CLASP1: variants seen among roughly 807,000 people sequenced by gnomAD.
CLASP1 encodes the protein cytoplasmic linker associated protein 1.
CLASP1 carries 38 observed loss-of-function variants against 192.3 expected under a neutral mutation model. The ratio of observed to expected loss-of-function variants is 0.20; its 90% confidence interval spans 0.15 to 0.26. CLASP1 has a LOEUF of 0.26. Ranked by LOEUF, CLASP1 falls within the 10% of genes least tolerant of loss-of-function variation. CLASP1 has a pLI of 1.00. For synonymous variants in CLASP1, 691 were observed against 712.8 expected (o/e 0.97, Z 0.49); for missense variants, 1,433 against 1,932.5 (o/e 0.74, Z 4.85).
chr2:121,617,447 T>C (rs187051230), intron 1 of CLASP1, among the ~76,000 whole-genome samples: 30 of 152,244 alleles, frequency 2.0e-4, no homozygotes, highest in Admixed American at 9.2e-4. Context: ...CTTTAAGCCG[T>C]TGTCTACACC....
At chr2:121,529,306 C>G (rs1451641499) in intron 3 of CLASP1, among the ~76,000 whole-genome samples, 1 of 152,166 alleles carries the variant, frequency 6.6e-6, no homozygotes, top group Non-Finnish European at 1.5e-5. Context: ...TCCAAGTGCA[C>G]CTGTAGACCA....
intron 38 of CLASP1, 32 bp from the exon 40 acceptor site, chr2:121,347,186 AC>A: frequency 7.1e-7 from 1 of 1,416,038 alleles, no homozygotes; most frequent in Non-Finnish European, 9.8e-7. Context: ...CGAAAAGGAA[AC>A]CAGATCAAAG....
At chr2:121,437,080 A>T (rs1431919751) in intron 19 of CLASP1, among the ~76,000 whole-genome samples, 1 of 151,992 alleles carries the variant, frequency 6.6e-6, no homozygotes, top group Non-Finnish European at 1.5e-5. Flanking sequence ...CCCCTGCCCC[A>T]GCCTCACAAG....
Position 121,523,399 on chromosome 2 carries a change from G to A in CLASP1, c.546+2446C>T, listed in dbSNP as rs554368327. On this transcript the variant is annotated intron_variant, in intron 6 of 39. Transcript: ENST00000263710. ...CTTACAAGTTAACCCTAGATCTAAA[G>A]GAGAAAAATAGTATCAGAGAGTAGC... Among the ~76,000 whole-genome samples the A allele has an allele frequency of 1.2e-4, 18 of 152,274 alleles. No homozygotes were observed. In the South Asian group the frequency reaches 3.7e-3, roughly 32 times the overall value.
chr2:121,631,918 G>A (rs2069742268), intron 1 of CLASP1, among the ~76,000 whole-genome samples: 1 of 151,954 alleles, frequency 6.6e-6, no homozygotes. Flanking sequence ...GTGGTGGCGT[G>A]CCCATGTAAT....
exon 12 of CLASP1, chr2:121,460,043 G>C: frequency 6.2e-7 from 1 of 1,613,570 alleles, no homozygotes; most frequent in Non-Finnish European, 8.5e-7. Flanking sequence ...GAGTTTAAAG[G>C]CTCCATCCAA....
chr2:121,371,630 C>T (rs912433649), intron 34 of CLASP1, among the ~76,000 whole-genome samples: 2 of 152,136 alleles, frequency 1.3e-5, no homozygotes, highest in Non-Finnish European at 2.9e-5. Flanking sequence ...CAACAAGTCC[C>T]CCGCTTCAAA....
exon 4 of CLASP1, chr2:121,528,725 C>T (rs1296741938): frequency 6.2e-7 from 1 of 1,614,028 alleles, no homozygotes; most frequent in South Asian, 1.1e-5. Context: ...GAGTTTGGTC[C>T]TGCTCCCTCA....
At chr2:121,368,931 C>T (rs1328318443) in intron 34 of CLASP1, among the ~76,000 whole-genome samples, 2 of 152,112 alleles carry the variant, frequency 1.3e-5, no homozygotes, top group Non-Finnish European at 2.9e-5. Flanking sequence ...TATGTATACC[C>T]AAAACTTTCT....
At chr2:121,585,665 C>T (rs935794879) in intron 2 of CLASP1, among the ~76,000 whole-genome samples, 3 of 152,040 alleles carry the variant, frequency 2.0e-5, no homozygotes, top group South Asian at 2.1e-4. Context: ...TTTGGGAGGC[C>T]GAAGCGGGCA....
intron 8 of CLASP1, among the ~76,000 whole-genome samples, chr2:121,481,748 G>A (rs116377511): frequency 0.017 from 2,593 of 152,252 alleles, 39 homozygotes; most frequent in Middle Eastern, 0.031. Flanking sequence ...AAGGCTACTG[G>A]AGAGGATACC....
At chr2:121,489,330 C>A (rs1439664223) in intron 8 of CLASP1, among the ~76,000 whole-genome samples, 2 of 152,060 alleles carry the variant, frequency 1.3e-5, no homozygotes, top group Admixed American at 1.3e-4. Flanking sequence ...TACTTTCAGC[C>A]CAACTTAACC....
intron 8 of CLASP1, among the ~76,000 whole-genome samples, chr2:121,495,096 G>A (rs2093473368): frequency 6.6e-6 from 1 of 152,062 alleles, no homozygotes; most frequent in African/African-American, 2.4e-5. Context: ...GCCGAGGCGG[G>A]CGGATCACAA....
chr2:121,425,193 T>C, exon 22 of CLASP1: 5 of 1,613,310 alleles, frequency 3.1e-6, no homozygotes, highest in Non-Finnish European at 4.2e-6. Flanking sequence ...CTCCTGGGAA[T>C]CTTGCTTCGC....
chr2:121,458,048 G>T (rs1042104884), intron 13 of CLASP1, among the ~76,000 whole-genome samples: 5 of 152,062 alleles, frequency 3.3e-5, no homozygotes, highest in Non-Finnish European at 5.9e-5. Flanking sequence ...AAAAGGAGTG[G>T]GTTTGAAAGG....
At chr2:121,352,028 T>G (rs2064535175) in intron 37 of CLASP1, among the ~76,000 whole-genome samples, 1 of 152,092 alleles carries the variant, frequency 6.6e-6, no homozygotes, top group Non-Finnish European at 1.5e-5. Flanking sequence ...CATGCTCTGG[T>G]GGTTGAGGGC....
At chr2:121,487,525 G>C (rs1306868295) in intron 8 of CLASP1, among the ~76,000 whole-genome samples, 1 of 151,964 alleles carries the variant, frequency 6.6e-6, no homozygotes, top group African/African-American at 2.4e-5. Flanking sequence ...TAGTTATCCT[G>C]CCTCCCTAGG....
intron 1 of CLASP1, among the ~76,000 whole-genome samples, chr2:121,627,048 T>G (rs946664534): frequency 7.2e-6 from 1 of 138,862 alleles, no homozygotes; most frequent in African/African-American, 3.2e-5. Flanking sequence ...CAGCAACATT[T>G]AGTTCAGAGA....
chr2:121,530,948 T>G (rs545636183), intron 2 of CLASP1: 6 of 700,432 alleles, frequency 8.6e-6, no homozygotes, highest in East Asian at 2.7e-5. Flanking sequence ...TGCTAACGCC[T>G]GAACAACACA....
Sources: allele counts gnomAD v4.1 joint callset (sites outside exome capture counted in the v4.1 genomes callset), GRCh38; gene constraint gnomAD v4.1.1; transcripts MANE v1.5; gene names NCBI Gene and HGNC (gene_info 2026-07-23, HGNC 2026-07-21).